TAF6L: variants seen among roughly 807,000 people sequenced by gnomAD.
TAF6L encodes the protein TAF6-like RNA polymerase II p300/CBP-associated factor-associated factor 65 kDa subunit 6L.
TAF6L carries 34 observed loss-of-function variants against 57.3 expected under a neutral mutation model. That is an observed-to-expected ratio of 0.59 (90% confidence interval 0.45 to 0.79). TAF6L has a LOEUF of 0.79. Among genes scored for constraint, TAF6L ranks in the 30% least tolerant of loss-of-function variants. The pLI is 0.00. For missense variants in TAF6L, 782 were observed against 853.2 expected, an observed-to-expected ratio of 0.92 and a Z score of 1.04; for synonymous variants, 417 against 376.3, an observed-to-expected ratio of 1.11 and a Z score of -1.25.
At chr11:62,779,480 C>T (rs1429330937) in intron 6 of TAF6L, among the ~76,000 whole-genome samples, 1 of 151,950 alleles carries the variant, frequency 6.6e-6, no homozygotes, top group East Asian at 1.9e-4. Context: ...CAAGTGTGAG[C>T]CACCGTGCCC....
chr11:62,772,227 C>T (rs1355825772), intron 1 of TAF6L: 1 of 438,166 alleles, frequency 2.3e-6, no homozygotes, highest in Non-Finnish European at 4.6e-6. Context: ...AGGCATAGTA[C>T]AGTGCTATTC....
At chr11:62,781,251 A>AT (rs1406087013) in intron 6 of TAF6L, among the ~76,000 whole-genome samples, 1 of 151,666 alleles carries the variant, frequency 6.6e-6, no homozygotes, top group Non-Finnish European at 1.5e-5. Flanking sequence ...AAAAAAAAAA[A>AT]GAAAAAGAAA....
chr11:62,782,564 C>T (rs566396141), intron 8 of TAF6L, 129 bp from the exon 9 acceptor site: 472 of 1,374,588 alleles, frequency 3.4e-4, no homozygotes, highest in Non-Finnish European at 4.3e-4. Flanking sequence ...TCACCCCTGG[C>T]AGCCTTCTTC....
At chr11:62,774,097 G>A (rs944894615) in intron 1 of TAF6L, among the ~76,000 whole-genome samples, 5 of 151,412 alleles carry the variant, frequency 3.3e-5, no homozygotes, top group Non-Finnish European at 7.4e-5. Flanking sequence ...TTTTTTTTGA[G>A]ACGGAGTCTT....
chr11:62,782,849 A>G (rs776960909), intron 9 of TAF6L, 24 bp downstream of exon 9: 1 of 1,612,880 alleles, frequency 6.2e-7, no homozygotes, highest in Non-Finnish European at 8.5e-7. Flanking sequence ...CCTTTCTCAC[A>G]CAGCCGTAAG....
At chr11:62,782,965 T>C in intron 9 of TAF6L, 140 bp downstream of exon 9, 1 of 1,280,068 alleles carries the variant, frequency 7.8e-7, no homozygotes, top group East Asian at 2.5e-5. Context: ...CCAGGCTCAG[T>C]GATACTTGAC....
chr11:62,772,805 C>CAAAA (rs770586046), intron 1 of TAF6L, among the ~76,000 whole-genome samples: 16 of 109,698 alleles, frequency 1.5e-4, no homozygotes, highest in African/African-American at 6.1e-5. Context: ...ACATCATCTC[C>CAAAA]AAAAAAAAAA....
chr11:62,782,612 C>G (rs1320765210), intron 8 of TAF6L, 81 bp from the exon 9 acceptor site: 3 of 1,568,320 alleles, frequency 1.9e-6, no homozygotes, highest in Middle Eastern at 2.3e-4. Flanking sequence ...TGTACAGATG[C>G]TATTCTCTTT....
chr11:62,773,255 C>A (rs1333515373), intron 1 of TAF6L, among the ~76,000 whole-genome samples: 1 of 151,830 alleles, frequency 6.6e-6, no homozygotes, highest in Non-Finnish European at 1.5e-5. Flanking sequence ...TCAAGCAATT[C>A]TCCTGCCTCA....
chr11:62,776,021 C>T, intron 2 of TAF6L, 91 bp downstream of exon 2: 2 of 1,439,470 alleles, frequency 1.4e-6, no homozygotes, highest in Non-Finnish European at 1.9e-6. Context: ...CAAGTGTACA[C>T]TGGGTGCCTG....
chr11:62,777,157 A>C (rs964518004), intron 3 of TAF6L, among the ~76,000 whole-genome samples: 10 of 151,336 alleles, frequency 6.6e-5, no homozygotes, highest in Middle Eastern at 3.4e-3. Context: ...AAAAAAAAAA[A>C]CAACCAAAAA....
In TAF6L at chr11:62,778,620, C is replaced by G. The variant is rs2084204470; in HGVS notation, c.437-249C>G. ...CCAGGGTATGCTGAGCAGAGCTTCACAGAGCCTGAAGCTCTCAGGAGTCCG... is the reference window on the plus strand; with the variant it reads ...CCAGGGTATGCTGAGCAGAGCTTCAGAGAGCCTGAAGCTCTCAGGAGTCCG... On this transcript the variant is annotated intron_variant, in intron 5 of 10. Coordinates refer to ENST00000294168, the MANE Select transcript of TAF6L (RefSeq NM_006473.4). The G allele has an allele frequency of 1.5e-5, 9 of 612,014 alleles. No individual in the cohort carries two copies. In the Admixed American group the frequency reaches 2.3e-4, roughly 16 times the overall value. 37.9% of individuals were successfully genotyped at this position (612,014 alleles called of 1,614,324 possible).
At chr11:62,778,732 T>G in intron 5 of TAF6L, 137 bp from the exon 6 acceptor site, 2 of 749,660 alleles carry the variant, frequency 2.7e-6, no homozygotes, top group Non-Finnish European at 2.3e-6. Context: ...CTAAGAGCAG[T>G]CTCTTGCCCT....
intron 7 of TAF6L, 60 bp from the exon 8 acceptor site, chr11:62,782,053 G>C (rs758112473): frequency 8.2e-6 from 13 of 1,590,996 alleles, no homozygotes; most frequent in Non-Finnish European, 1.1e-5. Flanking sequence ...AGTGCTGTCA[G>C]AATGGTGGGC....
chr11:62,775,029 A>G (rs953161636), intron 1 of TAF6L, among the ~76,000 whole-genome samples: 1 of 149,036 alleles, frequency 6.7e-6, no homozygotes, highest in Non-Finnish European at 1.5e-5. Context: ...GCGCTGCTAC[A>G]CTCCAGCCTG....
rs1040833191 is a variant in TAF6L, at chr11:62,786,645, C to T, written c.1218C>T (p.Ser406=). The T allele has an allele frequency of 8.1e-6, 13 of 1,603,806 alleles. No individual in the cohort carries two copies. Among genetic ancestry groups the T allele is most frequent in the South Asian group, 1.1e-5 (1 of 90,054 alleles). ...ACAGCCTTCTCTTTCAAGAGTCGTC[C>T]TCCGGGGGCGGTGCAGAACCCAGCT... ...PWDSLLFQES[S]SGGGAEPSFG... is the part of the protein sequence containing the mutation. Residue 406 remains serine (S), a synonymous_variant, in exon 11 of 11, where the codon TCC becomes TCT. Coordinates refer to ENST00000294168, the MANE Select transcript of TAF6L (RefSeq NM_006473.4).
intron 6 of TAF6L, among the ~76,000 whole-genome samples, chr11:62,781,459 G>T (rs888304718): frequency 7.2e-5 from 11 of 151,910 alleles, no homozygotes; most frequent in Non-Finnish European, 1.3e-4. Context: ...AGATCACGAG[G>T]TCAGGAGATC....
At chr11:62,771,709 G>C (rs1005165667) in intron 1 of TAF6L, 3 of 196,194 alleles carry the variant, frequency 1.5e-5, no homozygotes, top group Non-Finnish European at 3.2e-5. Context: ...GGCCCGCGGA[G>C]GTCAGTTCCC....
chr11:62,774,221 C>T (rs185526364), intron 1 of TAF6L, among the ~76,000 whole-genome samples: 7 of 152,174 alleles, frequency 4.6e-5, no homozygotes, highest in Non-Finnish European at 8.8e-5. Flanking sequence ...GGACTACAGG[C>T]GCCCGCCACC....
Sources: allele counts gnomAD v4.1 joint callset (sites outside exome capture counted in the v4.1 genomes callset), GRCh38; gene constraint gnomAD v4.1.1; transcripts MANE v1.5; gene names NCBI Gene and HGNC (gene_info 2026-07-23, HGNC 2026-07-21).